Variants in EIF2B3 observed in about 807,000 individuals in gnomAD.
The protein encoded by EIF2B3 is eukaryotic translation initiation factor 2B subunit gamma, also known as translation initiation factor eIF2B subunit gamma.
A neutral mutation model predicts 54.1 loss-of-function variants in EIF2B3; 20 were observed. The observed-to-expected ratio is 0.37, with a 90% CI of 0.26 to 0.54. The LOEUF (loss-of-function observed/expected upper bound fraction) is 0.54, where lower values mean the gene tolerates loss of function less well. Ranked by LOEUF, EIF2B3 falls within the 20% of genes least tolerant of loss-of-function variation. The probability of loss-of-function intolerance (pLI) is 0.86; values close to 1 mark genes in which losing one functional copy is unlikely to be tolerated. For missense variants in EIF2B3, 448 were observed against 547.8 expected, an observed-to-expected ratio of 0.82 and a Z score of 1.82; for synonymous variants, 153 against 188.1, an observed-to-expected ratio of 0.81 and a Z score of 1.52.
At chr1:44,941,412 G>C (rs1160467005) in intron 4 of EIF2B3, 94 bp downstream of exon 4, 39 of 1,402,524 alleles carry the variant, frequency 2.8e-5, no homozygotes, top group Non-Finnish European at 3.1e-5. Context: ...GTGATGTATA[G>C]TAGATTCTTA....
chr1:44,969,239 TATAC>T (rs1349895970), intron 3 of EIF2B3, among the ~76,000 whole-genome samples: 1 of 152,220 alleles, frequency 6.6e-6, no homozygotes. Context: ...ATTTACAGAC[TATAC>T]ATACAGAGAA....
chr1:44,905,140 C>T (rs560817502), intron 5 of EIF2B3, among the ~76,000 whole-genome samples: 3 of 152,236 alleles, frequency 2.0e-5, no homozygotes, highest in African/African-American at 7.2e-5. Context: ...AACAGATTCT[C>T]GATTGTTAGG....
intron 11 of EIF2B3, among the ~76,000 whole-genome samples, chr1:44,851,917 T>C (rs1415324681): frequency 6.6e-6 from 1 of 151,784 alleles, no homozygotes; most frequent in East Asian, 1.9e-4. Context: ...TTCCCACTAT[T>C]CTCCATTTTG....
intron 5 of EIF2B3, among the ~76,000 whole-genome samples, chr1:44,916,124 AGTT>A (rs1345443687): frequency 3.3e-5 from 5 of 152,224 alleles, no homozygotes; most frequent in South Asian, 2.1e-4. Flanking sequence ...TAATTCCTAT[AGTT>A]GTTGTGTGTC....
intron 5 of EIF2B3, among the ~76,000 whole-genome samples, chr1:44,913,915 C>T (rs538800904): frequency 2.3e-4 from 34 of 150,296 alleles, no homozygotes; most frequent in African/African-American, 7.9e-4. Context: ...CAACCTCCGC[C>T]TCCCGGGTTC....
chr1:44,946,014 G>A (rs915880924), intron 3 of EIF2B3, among the ~76,000 whole-genome samples: 1 of 152,326 alleles, frequency 6.6e-6, no homozygotes, highest in East Asian at 1.9e-4. Context: ...CTGCAAAAGT[G>A]TTTAAATCTG....
chr1:44,945,553 CAAA>C (rs199816888), intron 3 of EIF2B3, among the ~76,000 whole-genome samples: 1 of 103,886 alleles, frequency 9.6e-6, no homozygotes. Context: ...GACTCCGTCT[CAAA>C]AAAAAAAAAA....
chr1:44,978,591 T>A, intron 2 of EIF2B3, 131 bp from the exon 3 acceptor site: 3 of 708,526 alleles, frequency 4.2e-6, no homozygotes, highest in Admixed American at 2.8e-5. Context: ...GCCTTTTCAA[T>A]ATATTTTACC....
chr1:44,932,556 T>C (rs897890131), intron 4 of EIF2B3: 6 of 152,302 alleles, frequency 3.9e-5, no homozygotes, highest in Admixed American at 3.3e-4. Context: ...CAATGTATTG[T>C]ATTCTTGAAA....
chr1:44,882,538 G>T (rs535937181), intron 6 of EIF2B3, among the ~76,000 whole-genome samples: 1 of 151,564 alleles, frequency 6.6e-6, no homozygotes, highest in African/African-American at 2.4e-5. Context: ...TGCCTCCCAG[G>T]TTCAAGTGAT....
At chr1:44,944,246 C>T (rs57955271) in intron 3 of EIF2B3, among the ~76,000 whole-genome samples, 1,633 of 152,246 alleles carry the variant, frequency 0.011, 33 homozygotes, top group African/African-American at 0.037. Flanking sequence ...ATTTGCCCTT[C>T]GTGAATCAAC....
intron 5 of EIF2B3, among the ~76,000 whole-genome samples, chr1:44,897,731 C>T (rs927031235): frequency 6.7e-6 from 1 of 148,982 alleles, no homozygotes. Flanking sequence ...TCTATTTGAT[C>T]GTTAACTTTT....
At chr1:44,917,251 T>C (rs923316983) in intron 5 of EIF2B3, among the ~76,000 whole-genome samples, 1 of 152,162 alleles carries the variant, frequency 6.6e-6, no homozygotes, top group Non-Finnish European at 1.5e-5. Context: ...CCCAGCACTT[T>C]GTGAGGCTAA....
At chr1:44,883,406 A>G (rs1024772785) in intron 6 of EIF2B3, among the ~76,000 whole-genome samples, 27 of 152,256 alleles carry the variant, frequency 1.8e-4, no homozygotes, top group African/African-American at 6.5e-4. Flanking sequence ...TTCCCCAGTT[A>G]CTCCTGTAAG....
intron 10 of EIF2B3, among the ~76,000 whole-genome samples, chr1:44,866,559 T>C (rs970157155): frequency 5.0e-5 from 7 of 139,788 alleles, no homozygotes; most frequent in African/African-American, 1.8e-4. Context: ...GCTATGACAA[T>C]TTTTTTTTTT....
intron 10 of EIF2B3, among the ~76,000 whole-genome samples, chr1:44,863,538 T>C (rs1470009014): frequency 6.6e-6 from 1 of 152,248 alleles, no homozygotes; most frequent in South Asian, 2.1e-4. Context: ...CTGGCAACCA[T>C]GTATTATTTT....
At chr1:44,885,712 A>G (rs1196205915) in intron 6 of EIF2B3, among the ~76,000 whole-genome samples, 2 of 152,164 alleles carry the variant, frequency 1.3e-5, no homozygotes, top group African/African-American at 2.4e-5. Context: ...AAATACCTCT[A>G]TAACAGAATG....
chr1:44,857,612 T>A, intron 11 of EIF2B3, 92 bp downstream of exon 11: 2 of 1,161,012 alleles, frequency 1.7e-6, no homozygotes, highest in Non-Finnish European at 1.3e-6. Context: ...AGTGTACGTA[T>A]GTGCTTGTTT....
chr1:44,937,223 T>G (rs1227259366), intron 4 of EIF2B3: 1 of 152,252 alleles, frequency 6.6e-6, no homozygotes, highest in African/African-American at 2.4e-5. Context: ...TTTAGGATTT[T>G]AAACTGCTAG....
Sources: allele counts gnomAD v4.1 joint callset (sites outside exome capture counted in the v4.1 genomes callset), GRCh38; gene constraint gnomAD v4.1.1; transcripts MANE v1.5; gene names NCBI Gene and HGNC (gene_info 2026-07-23, HGNC 2026-07-21).